The following TTLL11 variants were observed in gnomAD, a reference collection of about 807,000 sequenced individuals.
The protein encoded by TTLL11 is tubulin polyglutamylase TTLL11.
Under a neutral mutation model 51.7 loss-of-function variants are expected in TTLL11, and 42 were observed. The ratio of observed to expected loss-of-function variants is 0.81; its 90% CI spans 0.64 to 1.05. The LOEUF (loss-of-function observed/expected upper bound fraction) is 1.05, where lower values mean the gene tolerates loss of function less well. Among genes scored for constraint, TTLL11 ranks in the 50% least tolerant of loss-of-function variants. The probability of loss-of-function intolerance (pLI) is 0.00; values close to 1 mark genes in which losing one functional copy is unlikely to be tolerated. For synonymous variants in TTLL11, 381 were observed against 383.5 expected (o/e 0.99, Z 0.08); for missense variants, 799 against 940.4 (o/e 0.85, Z 1.97).
intron 6 of TTLL11, among the ~76,000 whole-genome samples, chr9:121,903,238 C>T (rs1436207450): frequency 6.6e-6 from 1 of 152,142 alleles, no homozygotes; most frequent in Non-Finnish European, 1.5e-5. Flanking sequence ...GAGGAGCTTG[C>T]CCAGCATCAC....
At chr9:121,827,582 G>T (rs916375794) in intron 8 of TTLL11, among the ~76,000 whole-genome samples, 1 of 152,188 alleles carries the variant, frequency 6.6e-6, no homozygotes, top group African/African-American at 2.4e-5. Flanking sequence ...CGGTCCTATT[G>T]AATGCGTGCC....
intron 6 of TTLL11, among the ~76,000 whole-genome samples, chr9:121,888,198 G>A (rs1839089472): frequency 1.3e-5 from 2 of 152,302 alleles, no homozygotes; most frequent in East Asian, 1.9e-4. Flanking sequence ...TAGCTCAGAA[G>A]GCAGTGGCTC....
chr9:122,069,869 A>G lies in TTLL11; in HGVS notation c.462+22818T>C, dbSNP rs150712936. ...GAGGCCAGAGGACAGAGAGAGGAGA[A>G]TAATAGGACTGGACTTGCTCCTGCT... On this transcript the variant is annotated intron_variant, in intron 1 of 8. Coordinates refer to ENST00000321582, the MANE Select transcript of TTLL11 (RefSeq NM_001139442.2). Among the ~76,000 whole-genome samples the G allele has an allele frequency of 6.6e-5, 10 of 152,098 alleles. No homozygotes were observed. In the East Asian group the frequency reaches 1.9e-3, roughly 29 times the overall value.
At chr9:121,893,888 T>C (rs530684833) in intron 6 of TTLL11, among the ~76,000 whole-genome samples, 3 of 152,208 alleles carry the variant, frequency 2.0e-5, no homozygotes, top group Non-Finnish European at 4.4e-5. Flanking sequence ...CAATGAACTA[T>C]TCTTTGCAAG....
intron 4 of TTLL11, among the ~76,000 whole-genome samples, chr9:121,982,336 A>T (rs1466885077): frequency 6.6e-6 from 1 of 152,158 alleles, no homozygotes; most frequent in Non-Finnish European, 1.5e-5. Flanking sequence ...TTGTTTGCAG[A>T]AGGAGGTTAT....
At chr9:121,992,704 C>T (rs545178961) in intron 3 of TTLL11, among the ~76,000 whole-genome samples, 1 of 152,274 alleles carries the variant, frequency 6.6e-6, no homozygotes, top group African/African-American at 2.4e-5. Context: ...TACCTTGTAA[C>T]GGTATACACG....
intron 6 of TTLL11, among the ~76,000 whole-genome samples, chr9:121,888,727 A>T (rs571269989): frequency 6.6e-6 from 1 of 152,382 alleles, no homozygotes; most frequent in Admixed American, 6.5e-5. Flanking sequence ...ATAAAATGGC[A>T]TGGAAGTAGA....
intron 3 of TTLL11, among the ~76,000 whole-genome samples, chr9:122,009,109 T>A (rs1843730454): frequency 6.6e-6 from 1 of 152,210 alleles, no homozygotes; most frequent in Non-Finnish European, 1.5e-5. Context: ...AGATCTATTG[T>A]ACAACATGGT....
intron 6 of TTLL11, among the ~76,000 whole-genome samples, chr9:121,891,855 G>A (rs1347398550): frequency 6.6e-6 from 1 of 151,286 alleles, no homozygotes; most frequent in East Asian, 1.9e-4. Context: ...AAGGATTTGA[G>A]GGTTTAGTCT....
chr9:121,953,474 A>C (rs1234100632), intron 6 of TTLL11, among the ~76,000 whole-genome samples: 1 of 151,934 alleles, frequency 6.6e-6, no homozygotes, highest in Non-Finnish European at 1.5e-5. Context: ...TCTACTAAAA[A>C]ATACAAAATT....
At chr9:121,923,587 T>C (rs957870258) in intron 6 of TTLL11, among the ~76,000 whole-genome samples, 2 of 152,316 alleles carry the variant, frequency 1.3e-5, no homozygotes, top group African/African-American at 4.8e-5. Flanking sequence ...TCCAGGTGCT[T>C]TAAAAACCAT....
intron 3 of TTLL11, among the ~76,000 whole-genome samples, chr9:122,016,933 C>A (rs1844003092): frequency 6.6e-6 from 1 of 152,180 alleles, no homozygotes; most frequent in Non-Finnish European, 1.5e-5. Flanking sequence ...AAGGCTGCAT[C>A]CGCCTCGACT....
intron 1 of TTLL11, among the ~76,000 whole-genome samples, chr9:122,078,440 G>C (rs1456894394): frequency 1.3e-5 from 2 of 152,144 alleles, no homozygotes; most frequent in Admixed American, 6.5e-5. Flanking sequence ...AACAAAGGGA[G>C]GGAGCATTCA....
chr9:121,908,742 GC>G (rs1304930087), intron 6 of TTLL11, among the ~76,000 whole-genome samples: 1 of 152,138 alleles, frequency 6.6e-6, no homozygotes, highest in African/African-American at 2.4e-5. Context: ...TCTCTTCCTG[GC>G]TTGTAGATGG....
chr9:122,088,071 T>A (rs1846173996), intron 1 of TTLL11, among the ~76,000 whole-genome samples: 1 of 151,976 alleles, frequency 6.6e-6, no homozygotes, highest in South Asian at 2.1e-4. Flanking sequence ...TGAAGGAGAG[T>A]GGGCAAGGGA....
At chr9:121,956,147 A>C (rs1667277055) in intron 6 of TTLL11, among the ~76,000 whole-genome samples, 1 of 152,228 alleles carries the variant, frequency 6.6e-6, no homozygotes, top group Non-Finnish European at 1.5e-5. Flanking sequence ...CTGCCTAGAG[A>C]AAACATTTTC....
intron 6 of TTLL11, among the ~76,000 whole-genome samples, chr9:121,873,068 G>A (rs1425884457): frequency 6.6e-6 from 1 of 152,184 alleles, no homozygotes; most frequent in East Asian, 1.9e-4. Flanking sequence ...GGCAATCAAT[G>A]ACTTTATAAG....
chr9:121,940,343 CTT>C (rs35594469), intron 6 of TTLL11, among the ~76,000 whole-genome samples: 11 of 146,564 alleles, frequency 7.5e-5, no homozygotes, highest in Non-Finnish European at 1.7e-4. Context: ...AACTTTCTCT[CTT>C]TTTTTTTTTT....
In TTLL11 at chr9:121,826,527, A is replaced by G. The variant is rs1458204863; in HGVS notation, c.1841-3648T>C. Among the ~76,000 whole-genome samples, 115 of 47,798 alleles carry G rather than the reference A, an allele frequency of 2.4e-3. 3 individuals are homozygous for G. Among genetic ancestry groups the G allele is most frequent in the African/African-American group, 7.9e-3 (95 of 11,986 alleles). 31.4% of individuals were successfully genotyped at this position (47,798 alleles called of 152,430 possible). ...TATATATATATATGTATATATATAT[A>G]TGTGTGTGTGTATATATATATATGT... On this transcript the variant is annotated intron_variant, in intron 8 of 8. Transcript: ENST00000321582.
Sources: allele counts gnomAD v4.1 joint callset (sites outside exome capture counted in the v4.1 genomes callset), GRCh38; gene constraint gnomAD v4.1.1; transcripts MANE v1.5; gene names NCBI Gene and HGNC (gene_info 2026-07-23, HGNC 2026-07-21).